The following ZNF507 variants were observed in gnomAD, a reference collection of about 807,000 sequenced individuals.
ZNF507 encodes zinc finger protein 507.
In ZNF507, 29 loss-of-function variants were observed where a neutral mutation model predicts 80.0. The observed-to-expected ratio is 0.36, with a 90% CI of 0.27 to 0.49. The LOEUF (loss-of-function observed/expected upper bound fraction) is 0.49. Among genes scored for constraint, ZNF507 ranks in the 20% least tolerant of loss-of-function variants. The probability of loss-of-function intolerance (pLI) is 0.98; values close to 1 mark genes in which losing one functional copy is unlikely to be tolerated. For missense variants in ZNF507, 1,081 were observed against 1,152.2 expected (o/e 0.94, Z 0.90); for synonymous variants, 462 against 422.5 (o/e 1.09, Z -1.15).
At chr19:32,349,437 C>T (rs1456452414) in intron 2 of ZNF507, among the ~76,000 whole-genome samples, 1 of 152,258 alleles carries the variant, frequency 6.6e-6, no homozygotes, top group Non-Finnish European at 1.5e-5. Flanking sequence ...CCCAAAAGAG[C>T]TCTTCAGTAT....
rs1170907045 is a variant in ZNF507, at chr19:32,353,196, T to C, written c.366T>C (p.Ala122=). The change falls in exon 3 of 7, where the codon GCT becomes GCC. Residue 122 remains alanine (A), a synonymous_variant. Coordinates refer to ENST00000355898, the MANE Select transcript of ZNF507 (RefSeq NM_001136156.2). ...PDTLAQNEGK[A]MSYQCSLCKF... is the part of the protein sequence containing the mutation. ...CTCTTGCCCAGAATGAAGGGAAGGC[T>C]ATGTCTTATCAGTGTAGCCTTTGTA... The C allele has an allele frequency of 1.2e-6, 2 of 1,614,102 alleles. No homozygotes were observed. Among genetic ancestry groups the C allele is most frequent in the East Asian group, 4.5e-5 (2 of 44,898 alleles).
At chr19:32,369,570 G>T (rs548656212) in intron 5 of ZNF507, among the ~76,000 whole-genome samples, 1 of 152,244 alleles carries the variant, frequency 6.6e-6, no homozygotes, top group African/African-American at 2.4e-5. Flanking sequence ...TGGTCTGTTG[G>T]TGAGGTGGTT....
At chr19:32,348,985 A>AGGT (rs1599543076) in intron 2 of ZNF507, among the ~76,000 whole-genome samples, 1 of 152,352 alleles carries the variant, frequency 6.6e-6, no homozygotes, top group East Asian at 1.9e-4. Context: ...TATATTTACA[A>AGGT]AGATATTAGT....
At position 32,353,097 on chromosome 19, in the gene ZNF507, G is replaced by A. The variant is rs150002886; in HGVS notation, c.267G>A (p.Pro89=). The A allele has an allele frequency of 5.6e-5, 91 of 1,614,026 alleles. 1 individual carries two copies. The highest frequency in any genetic ancestry group is 4.6e-4 in the South Asian group (42 of 91,090). Residue 89 remains proline (P), a synonymous_variant, in exon 3 of 7, where the codon CCG becomes CCA. Transcript: ENST00000355898. ...AAACCCAAGAACTTTGTGAGATTCCGGCTAAAGTAATCCAGTCACCTGCTG... is the reference window on the plus strand; with the variant it reads ...AAACCCAAGAACTTTGTGAGATTCCAGCTAAAGTAATCCAGTCACCTGCTG... ...SLETQELCEI[P]AKVIQSPAAD... is the part of the protein sequence containing the mutation.
chr19:32,370,142 A>G (rs1053415550), intron 5 of ZNF507, among the ~76,000 whole-genome samples: 1 of 152,130 alleles, frequency 6.6e-6, no homozygotes, highest in Non-Finnish European at 1.5e-5. Flanking sequence ...CGTTTTCTTT[A>G]TCCGTTTGTC....
At position 32,382,872 on chromosome 19, in the gene ZNF507, G is replaced by A. The variant is rs1444441164; in HGVS notation, c.2651G>A (p.Ser884Asn). 6.2e-7 allele frequency: 1 copy of A among 1,614,126 alleles called. No individual in the cohort carries two copies. Residue 884 changes from serine to asparagine, a missense_variant, in exon 7 of 7, where the codon AGC becomes AAC. Physicochemically the swap from Ser to Asn is conservative, Grantham distance 46 (BLOSUM62 1). Transcript: ENST00000355898. Reference protein sequence around the residue: ...VLGTNENEKLSPTSNTSYSLE... With the variant: ...VLGTNENEKLNPTSNTSYSLE... Reference sequence around the variant, plus strand: ...GGTACCAACGAGAATGAGAAACTGAGCCCTACAAGTAATACCTCATATAGT... The same window carrying A: ...GGTACCAACGAGAATGAGAAACTGAACCCTACAAGTAATACCTCATATAGT...
chr19:32,345,732 C>T lies in ZNF507; in HGVS notation c.-148C>T, dbSNP rs1967087667. 2.0e-5 allele frequency: 3 copies of T among 152,768 alleles called. No individual in the cohort carries two copies. Among genetic ancestry groups the T allele is most frequent in the Non-Finnish European group, 4.4e-5 (3 of 68,392 alleles). The allele number at this position is 152,768 out of a possible 1,614,324, so 9.5% of individuals were successfully genotyped here. A position where few individuals can be genotyped will look rare whatever the true frequency, so the allele number is the denominator to read the frequency against. On this transcript the variant is annotated 5_prime_UTR_variant, in exon 1 of 7. Transcript: ENST00000355898. ...GACGAGGGCGAGGGCACGGCCGGGT[C>T]CTGGCTGGCCAAACGAGGCTCGCGG...
Position 32,353,940 on chromosome 19 carries a change from G to C in ZNF507, c.1110G>C (p.Glu370Asp). ...TAGAAGTGATTTCTGATGCAGAGGA[G>C]AATCTGATTCCTGATAGCCTGCTTA... ...EMLEVISDAE[E>D]NLIPDSLLTS... The change falls in exon 3 of 7, where the codon GAG becomes GAC. Residue 370 changes from glutamate (E) to aspartate (D), a missense_variant. Glu to Asp is a conservative substitution (Grantham distance 45). Transcript: ENST00000355898. The C allele has an allele frequency of 6.2e-7, 1 of 1,614,190 alleles. No homozygotes were observed. Among genetic ancestry groups the C allele is most frequent in the Non-Finnish European group, 8.5e-7 (1 of 1,180,046 alleles).
rs1967256424 is a variant in ZNF507, at chr19:32,356,669, A to G, written c.2181A>G (p.Ser727=). The G allele has an allele frequency of 3.1e-6, 5 of 1,614,052 alleles. No homozygotes were observed. The East Asian group carries it at 1.1e-4, about 36-fold the overall frequency. Residue 727 remains serine (S), a synonymous_variant, in exon 4 of 7, where the codon TCA becomes TCG. Transcript: ENST00000355898. ...REQHSLPDTL[S]IATSNEPRIS... ...AGCACAGTCTTCCAGATACCTTGTC[A>G]ATAGCAACTTCTAATGAGCCAAGAA...
rs376015624 is a variant in ZNF507 at position 32,353,065 on chromosome 19, T to A, written c.235T>A (p.Ser79Thr). 2 of 1,614,054 alleles carry A rather than the reference T, an allele frequency of 1.2e-6. No homozygotes were observed. The highest frequency in any genetic ancestry group is 1.3e-5 in the African/African-American group (1 of 74,924). ...CCCACGTTCAAGTGCTGCAACACAC[T>A]CTCTTGAAACCCAAGAACTTTGTGA... ...KRPRSSAATH[S>T]LETQELCEIP... Residue 79 changes from serine (S) to threonine (T), a missense_variant, in exon 3 of 7, where the codon TCT becomes ACT. By Grantham distance (58) the Ser-to-Thr change is moderately conservative. Coordinates refer to ENST00000355898, the MANE Select transcript of ZNF507 (RefSeq NM_001136156.2).
intron 4 of ZNF507, chr19:32,358,426 C>T (rs1456787999): frequency 6.6e-6 from 1 of 152,218 alleles, no homozygotes; most frequent in African/African-American, 2.4e-5. Context: ...CATGTTTCAG[C>T]TTAACATTTG....
At chr19:32,358,783 C>T (rs1344448180) in intron 4 of ZNF507, 2 of 152,136 alleles carry the variant, frequency 1.3e-5, no homozygotes, top group African/African-American at 2.4e-5. Flanking sequence ...AGGTAAAGTA[C>T]AGACTTTGCT....
At chr19:32,366,354 C>T (rs1049964156) in intron 5 of ZNF507, among the ~76,000 whole-genome samples, 20 of 152,208 alleles carry the variant, frequency 1.3e-4, no homozygotes, top group Non-Finnish European at 1.5e-5. Flanking sequence ...CCTTCGTGGG[C>T]CTTCCAGTCA....
At chr19:32,374,607 G>A (rs1159649703) in intron 5 of ZNF507, among the ~76,000 whole-genome samples, 1 of 151,574 alleles carries the variant, frequency 6.6e-6, no homozygotes, top group Non-Finnish European at 1.5e-5. Context: ...TCAGCCTCCT[G>A]AGTAGCTGGG....
chr19:32,376,155 C>T (rs2145339972), intron 5 of ZNF507, among the ~76,000 whole-genome samples: 1 of 152,144 alleles, frequency 6.6e-6, no homozygotes, highest in East Asian at 1.9e-4. Flanking sequence ...AGTAGCCTTC[C>T]ATAATTCCAA....
intron 5 of ZNF507, among the ~76,000 whole-genome samples, chr19:32,364,808 C>T (rs1967376237): frequency 6.6e-6 from 1 of 152,162 alleles, no homozygotes; most frequent in Non-Finnish European, 1.5e-5. Context: ...CGCGTGCAAG[C>T]ATCTTTTTCC....
At position 32,354,483 on chromosome 19, in the gene ZNF507, A is replaced by C. The variant is rs1967221318; in HGVS notation, c.1653A>C (p.Ser551=). The change falls in exon 3 of 7, where the codon TCA becomes TCC. Residue 551 remains serine (S), a synonymous_variant. Coordinates refer to ENST00000355898, the MANE Select transcript of ZNF507 (RefSeq NM_001136156.2). Reference sequence around the variant, plus strand: ...TGATGTCGCCACTTAAAAACTCTTCAGATGGATTAACTAGTCTTAACCAAA... The same window carrying C: ...TGATGTCGCCACTTAAAAACTCTTCCGATGGATTAACTAGTCTTAACCAAA... ...SKMMSPLKNS[S]DGLTSLNQSN... The C allele has an allele frequency of 3.7e-6, 6 of 1,614,090 alleles. No homozygotes were observed. Among genetic ancestry groups the C allele is most frequent in the Non-Finnish European group, 5.1e-6 (6 of 1,180,050 alleles).
At chr19:32,359,406 G>C (rs141978414) in intron 4 of ZNF507, 4 of 152,218 alleles carry the variant, frequency 2.6e-5, no homozygotes, top group African/African-American at 9.6e-5. Context: ...GTGTATACAG[G>C]TGTTCTACCT....
chr19:32,370,323 A>G (rs1354836625), intron 5 of ZNF507, among the ~76,000 whole-genome samples: 2 of 152,078 alleles, frequency 1.3e-5, no homozygotes, highest in Admixed American at 1.3e-4. Context: ...CCTCCATACT[A>G]TTTTTCATGG....
Sources: gnomAD v4.1 joint callset for allele counts (sites outside exome capture counted in the v4.1 genomes callset) on GRCh38, gnomAD v4.1.1 for gene constraint, MANE v1.5 for transcripts, NCBI Gene and HGNC (gene_info 2026-07-23, HGNC 2026-07-21) for gene names.